HACD1: variants seen among roughly 807,000 people sequenced by gnomAD.
HACD1 encodes 3-hydroxyacyl-CoA dehydratase 1, also known as very-long-chain (3R)-3-hydroxyacyl-CoA dehydratase 1.
Under a neutral mutation model 32.0 loss-of-function variants are expected in HACD1, and 41 were observed. That is an observed-to-expected ratio of 1.28 (90% confidence interval 1.00 to 1.66). The LOEUF (loss-of-function observed/expected upper bound fraction) is 1.66. Ranked by LOEUF, HACD1 falls within the 40% of genes most tolerant of loss-of-function variation. HACD1 has a pLI of 0.00. For synonymous variants in HACD1, 142 were observed against 139.0 expected (o/e 1.02, Z -0.15); for missense variants, 396 against 380.1 (o/e 1.04, Z -0.35).
At chr10:17,616,934 C>G (rs1422571965) in intron 1 of HACD1, 149 bp downstream of exon 1, 5 of 928,446 alleles carry the variant, frequency 5.4e-6, no homozygotes, top group Non-Finnish European at 7.0e-6. Flanking sequence ...CATTCAACCC[C>G]GGCGGTGGCC....
In HACD1 at chr10:17,590,405, T is replaced by C. The variant is rs1554815467; in HGVS notation, c.826A>G (p.Lys276Glu). 4.4e-6 allele frequency: 7 copies of C among 1,604,948 alleles called. No individual in the cohort carries two copies. Among genetic ancestry groups the C allele is most frequent in the Admixed American group, 3.4e-5 (2 of 59,372 alleles). Residue 276 changes from lysine (K) to glutamate (E), a missense_variant, in exon 7 of 7, where the codon AAG becomes GAG. Coordinates refer to ENST00000361271, the MANE Select transcript of HACD1 (RefSeq NM_014241.4). ...ACAATCACCTCTCCATGAAGCACCT[T>C]TCTTCTTTGACGTAACATATGAAAA... ...LYFHMLRQRR[K>E]VLHGEVIVEK...
intron 4 of HACD1, 69 bp from the exon 5 acceptor site, chr10:17,599,480 T>G: frequency 6.5e-7 from 1 of 1,527,204 alleles, no homozygotes; most frequent in Non-Finnish European, 8.8e-7. Context: ...GTACTTACTT[T>G]ACTTATTTAT....
intron 1 of HACD1, chr10:17,615,722 A>G (rs1554817930): frequency 5.5e-6 from 2 of 362,564 alleles, no homozygotes; most frequent in Admixed American, 6.1e-5. Context: ...ATCCCAGCAC[A>G]TTGGGAGGCC....
intron 6 of HACD1, 118 bp from the exon 7 acceptor site, chr10:17,590,564 C>A: frequency 1.6e-6 from 1 of 636,040 alleles, no homozygotes; most frequent in East Asian, 3.0e-5. Context: ...CTGCTGTTCC[C>A]TGGATATTTA....
intron 1 of HACD1, among the ~76,000 whole-genome samples, chr10:17,612,470 T>A (rs908109338): frequency 2.0e-4 from 30 of 152,100 alleles, no homozygotes; most frequent in Non-Finnish European, 5.9e-5. Context: ...TGACAGACAA[T>A]AAGCATTGCG....
intron 5 of HACD1, among the ~76,000 whole-genome samples, chr10:17,597,324 G>A (rs1834007253): frequency 6.6e-6 from 1 of 152,130 alleles, no homozygotes; most frequent in Non-Finnish European, 1.5e-5. Context: ...TTTTAGTAGA[G>A]ATGGGGTTTC....
At position 17,594,308 on chromosome 10, in the gene HACD1, A is replaced by C. The variant is rs1474682419; in HGVS notation, c.681T>G (p.His227Gln). ...ELLTIYAALP[H>Q]VKKTGMFSIR... ...TTGAAAACATTCCTGTTTTCTTCACATGCGGCAAGGCAGCGTATATTGTAA... is the reference window on the plus strand; with the variant it reads ...TTGAAAACATTCCTGTTTTCTTCACCTGCGGCAAGGCAGCGTATATTGTAA... The change falls in exon 6 of 7, where the codon CAT becomes CAG. Residue 227 changes from histidine (H) to glutamine (Q), a missense_variant. Transcript: ENST00000361271. 6.2e-7 allele frequency: 1 copy of C among 1,605,868 alleles called. No homozygotes were observed. The highest frequency in any genetic ancestry group is 8.5e-7 in the Non-Finnish European group (1 of 1,175,616).
intron 6 of HACD1, among the ~76,000 whole-genome samples, chr10:17,590,650 G>A (rs1356852961): frequency 1.3e-5 from 2 of 152,052 alleles, no homozygotes; most frequent in Non-Finnish European, 2.9e-5. Flanking sequence ...TGTAACTGTT[G>A]AGGTTTTGTT....
In HACD1 at chr10:17,594,312, G is replaced by A. The variant is rs782810650; in HGVS notation, c.677C>T (p.Pro226Leu). 5.8e-5 allele frequency: 93 copies of A among 1,602,552 alleles called. No homozygotes were observed. Among genetic ancestry groups the A allele is most frequent in the Non-Finnish European group, 6.9e-5 (81 of 1,173,716 alleles). ...GELLTIYAAL[P>L]HVKKTGMFSI... ...AAACATTCCTGTTTTCTTCACATGC[G>A]GCAAGGCAGCGTATATTGTAAGAAG... The change falls in exon 6 of 7, where the codon CCG becomes CTG. Residue 226 changes from proline (P) to leucine (L), a missense_variant. By Grantham distance (98) the Pro-to-Leu change is moderately conservative. Transcript: ENST00000361271.
intron 1 of HACD1, 136 bp from the exon 2 acceptor site, chr10:17,604,183 A>G (rs950270340): frequency 1.6e-6 from 1 of 641,264 alleles, no homozygotes; most frequent in South Asian, 2.0e-5. Context: ...GTGAATGGAT[A>G]CTTGAAATGT....
rs1554818286 is a variant in HACD1 at position 17,617,320 on chromosome 10, G to A, written c.20C>T (p.Ala7Val). MGRLTE[A>V]AAAGSGSRAA... ...CCGAGAGCCGCTGCCCGCTGCCGCC[G>A]CTTCCGTCAGGCGCCCCATGTGCAG... Residue 7 changes from alanine (A) to valine (V), a missense_variant, in exon 1 of 7, where the codon GCG (alanine) becomes GTG (valine). Physicochemically the swap from Ala to Val is moderately conservative, Grantham distance 64. Coordinates refer to ENST00000361271, the MANE Select transcript of HACD1 (RefSeq NM_014241.4). The A allele has an allele frequency of 7.0e-7, 1 of 1,436,042 alleles. No homozygotes were observed. The highest frequency in any genetic ancestry group is 9.1e-7 in the Non-Finnish European group (1 of 1,100,680). The allele number at this position is 1,436,042 out of a possible 1,614,324, so 89.0% of individuals were successfully genotyped here. A position where few individuals can be genotyped will look rare whatever the true frequency, so the allele number is the denominator to read the frequency against.
intron 1 of HACD1, among the ~76,000 whole-genome samples, chr10:17,614,878 G>C (rs1232082650): frequency 6.6e-6 from 1 of 151,924 alleles, no homozygotes; most frequent in Non-Finnish European, 1.5e-5. Flanking sequence ...TCAGCCTCCG[G>C]AGTAGCTGGG....
chr10:17,598,640 T>C (rs1469439365), intron 5 of HACD1, among the ~76,000 whole-genome samples: 1 of 152,240 alleles, frequency 6.6e-6, no homozygotes, highest in African/African-American at 2.4e-5. Flanking sequence ...AACAAGTCTA[T>C]ACTGATTTGT....
At chr10:17,614,456 C>T (rs1833041252) in intron 1 of HACD1, among the ~76,000 whole-genome samples, 1 of 144,072 alleles carries the variant, frequency 6.9e-6, no homozygotes, top group Non-Finnish European at 1.5e-5. Context: ...GGGGTTTTGC[C>T]ATGTTGGCTA....
At chr10:17,593,390 A>G (rs1554815735) in intron 6 of HACD1, among the ~76,000 whole-genome samples, 1 of 151,196 alleles carries the variant, frequency 6.6e-6, no homozygotes, top group African/African-American at 2.4e-5. Flanking sequence ...ATGTCAGTTC[A>G]CTGCAACTTC....
chr10:17,590,501 A>T, intron 6 of HACD1, 55 bp from the exon 7 acceptor site: 2 of 1,313,086 alleles, frequency 1.5e-6, no homozygotes, highest in Non-Finnish European at 2.1e-6. Flanking sequence ...AATTATTTAT[A>T]CTTGAAACCT....
chr10:17,594,113 A>T (rs1833964063), intron 6 of HACD1, 92 bp downstream of exon 6: 2 of 1,122,218 alleles, frequency 1.8e-6, no homozygotes, highest in South Asian at 3.6e-5. Context: ...GTAAGCAATT[A>T]TTTCTAATTA....
intron 1 of HACD1, among the ~76,000 whole-genome samples, chr10:17,611,153 A>C (rs545025267): frequency 6.6e-6 from 1 of 151,996 alleles, no homozygotes; most frequent in South Asian, 2.1e-4. Flanking sequence ...GGTGCACGCC[A>C]CCACACCCAG....
chr10:17,602,632 C>A (rs1383107528), intron 4 of HACD1, among the ~76,000 whole-genome samples: 1 of 152,136 alleles, frequency 6.6e-6, no homozygotes, highest in Non-Finnish European at 1.5e-5. Context: ...ATCAAGCTAA[C>A]GAACCTATGT....
Sources: allele counts gnomAD v4.1 joint callset (sites outside exome capture counted in the v4.1 genomes callset), GRCh38; gene constraint gnomAD v4.1.1; transcripts MANE v1.5; gene names NCBI Gene and HGNC (gene_info 2026-07-23, HGNC 2026-07-21).